Variants in FHIT observed in about 807,000 individuals in gnomAD.
FHIT encodes bis(5'-adenosyl)-triphosphatase.
A neutral mutation model predicts 17.9 loss-of-function variants in FHIT; 19 were observed. That is an observed-to-expected ratio of 1.06 (90% CI 0.74 to 1.56). FHIT has a LOEUF of 1.56. Ranked by LOEUF, FHIT falls within the 40% of genes most tolerant of loss-of-function variation. The probability of loss-of-function intolerance (pLI) is 0.00; values close to 1 mark genes in which losing one functional copy is unlikely to be tolerated. For synonymous variants in FHIT, 81 were observed against 69.7 expected, an observed-to-expected ratio of 1.16 and a Z score of -0.81; for missense variants, 248 against 189.2, an observed-to-expected ratio of 1.31 and a Z score of -1.82.
intron 4 of FHIT, among the ~76,000 whole-genome samples, chr3:60,772,773 T>C (rs1700088450): frequency 6.6e-6 from 1 of 152,130 alleles, no homozygotes; most frequent in Non-Finnish European, 1.5e-5. Flanking sequence ...AACATCACTA[T>C]TGTAGATTGG....
chr3:60,599,996 C>T (rs782514084), intron 4 of FHIT, among the ~76,000 whole-genome samples: 19 of 152,082 alleles, frequency 1.2e-4, no homozygotes, highest in Non-Finnish European at 1.8e-4. Flanking sequence ...ATCCAGATGT[C>T]GCTAAATGTG....
chr3:59,986,752 A>T (rs1393165765), intron 7 of FHIT, among the ~76,000 whole-genome samples: 3 of 2,224 alleles, frequency 1.3e-3, no homozygotes, highest in African/African-American at 6.9e-3. Flanking sequence ...ATATTTATAT[A>T]TATATAAATA....
intron 2 of FHIT, among the ~76,000 whole-genome samples, chr3:61,124,425 G>A (rs1469466801): frequency 3.3e-5 from 5 of 152,018 alleles, no homozygotes; most frequent in Non-Finnish European, 1.5e-5. Flanking sequence ...GCTTAACAAC[G>A]GCTGGTGGTG....
chr3:60,475,525 G>T (rs534338029), intron 5 of FHIT, among the ~76,000 whole-genome samples: 1 of 152,170 alleles, frequency 6.6e-6, no homozygotes, highest in Non-Finnish European at 1.5e-5. Context: ...GCTTAAAACT[G>T]CAGCAGCTGA....
chr3:60,419,823 G>C (rs1702402655), intron 5 of FHIT, among the ~76,000 whole-genome samples: 1 of 151,972 alleles, frequency 6.6e-6, no homozygotes, highest in African/African-American at 2.4e-5. Context: ...TTTCTTAATG[G>C]GTAAAATGGG....
chr3:60,864,588 C>T (rs1370831365), intron 3 of FHIT, among the ~76,000 whole-genome samples: 1 of 152,030 alleles, frequency 6.6e-6, no homozygotes, highest in Non-Finnish European at 1.5e-5. Flanking sequence ...TGGAACAGGG[C>T]TCTGTATTGG....
At chr3:60,845,711 T>C (rs1702904559) in intron 3 of FHIT, among the ~76,000 whole-genome samples, 1 of 152,160 alleles carries the variant, frequency 6.6e-6, no homozygotes, top group South Asian at 2.1e-4. Flanking sequence ...TAAACACACA[T>C]ACCCCAGAAA....
At chr3:61,059,884 G>A (rs2106692268) in intron 2 of FHIT, among the ~76,000 whole-genome samples, 1 of 152,288 alleles carries the variant, frequency 6.6e-6, no homozygotes, top group South Asian at 2.1e-4. Context: ...TTCTCCCCAT[G>A]CTTGCATGAG....
chr3:60,781,668 G>A (rs1035455267), intron 4 of FHIT, among the ~76,000 whole-genome samples: 1 of 151,980 alleles, frequency 6.6e-6, no homozygotes, highest in South Asian at 2.1e-4. Flanking sequence ...TAAGTCTATT[G>A]TGAAAATATC....
intron 4 of FHIT, among the ~76,000 whole-genome samples, chr3:60,587,862 C>T (rs986835228): frequency 1.3e-5 from 2 of 151,978 alleles, no homozygotes; most frequent in East Asian, 3.9e-4. Flanking sequence ...AGAGAAGTTC[C>T]GTCTCATGTC....
At chr3:60,847,536 T>C (rs1553746919) in intron 3 of FHIT, among the ~76,000 whole-genome samples, 1 of 152,022 alleles carries the variant, frequency 6.6e-6, no homozygotes, top group Non-Finnish European at 1.5e-5. Context: ...AGATCCCCTT[T>C]TCCAAAAAAA....
intron 5 of FHIT, among the ~76,000 whole-genome samples, chr3:60,014,761 A>G (rs978012196): frequency 6.6e-6 from 1 of 152,160 alleles, no homozygotes; most frequent in Non-Finnish European, 1.5e-5. Flanking sequence ...TCCTCAGACT[A>G]ATTTTTTTTT....
At chr3:59,915,786 G>A (rs1176560866) in intron 8 of FHIT, among the ~76,000 whole-genome samples, 1 of 152,070 alleles carries the variant, frequency 6.6e-6, no homozygotes, top group African/African-American at 2.4e-5. Flanking sequence ...AAAAGCATTA[G>A]CCAGGTGTGG....
chr3:60,443,000 G>A (rs1178611726), intron 5 of FHIT, among the ~76,000 whole-genome samples: 2 of 152,108 alleles, frequency 1.3e-5, no homozygotes, highest in South Asian at 2.1e-4. Flanking sequence ...TCCCTTGTAA[G>A]TTGGATTCCT....
intron 8 of FHIT, among the ~76,000 whole-genome samples, chr3:59,832,836 T>C (rs114737893): frequency 0.021 from 3,240 of 152,240 alleles, 119 homozygotes; most frequent in African/African-American, 0.074. Context: ...TGAAAGACTA[T>C]TTATGTATTA....
intron 8 of FHIT, among the ~76,000 whole-genome samples, chr3:59,785,383 C>A (rs1014341371): frequency 6.7e-6 from 1 of 150,104 alleles, no homozygotes; most frequent in Non-Finnish European, 1.5e-5. Context: ...GATCTTGGCT[C>A]ACTGCAACCT....
rs112246303 is a variant in FHIT, at chr3:60,915,376, C to T, written c.-110-93365G>A. Among the ~76,000 whole-genome samples the T allele has an allele frequency of 4.9e-3, 742 of 152,228 alleles. 5 individuals are homozygous for T. Among genetic ancestry groups the T allele is most frequent in the African/African-American group, 0.017 (691 of 41,552 alleles). ...TTTACCTTGTTGGGGAAGAAGAGGG[C>T]TTATTAAAAGTTTATAATAAGCAGT... On this transcript the variant is annotated intron_variant, in intron 3 of 9. Coordinates refer to ENST00000492590, the MANE Select transcript of FHIT (RefSeq NM_002012.4).
At chr3:60,607,178 C>T (rs1016515082) in intron 4 of FHIT, among the ~76,000 whole-genome samples, 3 of 152,132 alleles carry the variant, frequency 2.0e-5, no homozygotes, top group African/African-American at 4.8e-5. Context: ...TCATTGATAA[C>T]CACACCACTA....
chr3:61,144,218 G>A (rs2037165808), intron 2 of FHIT, among the ~76,000 whole-genome samples: 1 of 152,136 alleles, frequency 6.6e-6, no homozygotes, highest in Non-Finnish European at 1.5e-5. Flanking sequence ...TACCCCTGCA[G>A]CCCTATTAAT....
Sources: allele counts gnomAD v4.1 joint callset (sites outside exome capture counted in the v4.1 genomes callset), GRCh38; gene constraint gnomAD v4.1.1; transcripts MANE v1.5; gene names NCBI Gene and HGNC (gene_info 2026-07-23, HGNC 2026-07-21).